Variants in GABRB2 observed in about 807,000 individuals in gnomAD.
GABRB2 encodes gamma-aminobutyric acid receptor subunit beta-2.
Under a neutral mutation model 54.7 loss-of-function variants are expected in GABRB2, and 16 were observed. That is an observed-to-expected ratio of 0.29 (90% CI 0.20 to 0.44). GABRB2 has a LOEUF of 0.44. Among genes scored for constraint, GABRB2 ranks in the 20% least tolerant of loss-of-function variants. GABRB2 has a pLI of 1.00. For synonymous variants in GABRB2, 244 were observed against 233.8 expected (o/e 1.04, Z -0.40); for missense variants, 355 against 644.0 (o/e 0.55, Z 4.86).
intron 3 of GABRB2, among the ~76,000 whole-genome samples, chr5:161,463,804 G>T (rs13168902): frequency 0.022 from 3,362 of 150,568 alleles, 61 homozygotes; most frequent in Non-Finnish European, 0.034. Flanking sequence ...TTCTGACAAA[G>T]GTACAAAGAC....
chr5:161,420,300 G>T (rs1364094095), intron 4 of GABRB2, among the ~76,000 whole-genome samples: 21 of 152,188 alleles, frequency 1.4e-4, no homozygotes, highest in African/African-American at 5.1e-4. Flanking sequence ...GACAGCCTCA[G>T]CTGGGTCTCT....
chr5:161,306,076 G>A (rs1757682373), intron 9 of GABRB2, among the ~76,000 whole-genome samples: 1 of 152,160 alleles, frequency 6.6e-6, no homozygotes, highest in Non-Finnish European at 1.5e-5. Flanking sequence ...AATCTTCCCA[G>A]GTCGTTGGAG....
intron 3 of GABRB2, among the ~76,000 whole-genome samples, chr5:161,492,280 G>A (rs1320555033): frequency 1.3e-5 from 2 of 151,610 alleles, no homozygotes; most frequent in Non-Finnish European, 3.0e-5. Context: ...GGACGTTATC[G>A]TTTGTGCTTC....
At chr5:161,516,869 G>T (rs1222682654) in intron 3 of GABRB2, among the ~76,000 whole-genome samples, 1 of 152,044 alleles carries the variant, frequency 6.6e-6, no homozygotes, top group Non-Finnish European at 1.5e-5. Context: ...TCTGACCCAA[G>T]AACTGAAAAA....
At chr5:161,510,868 T>G (rs1042558964) in intron 3 of GABRB2, among the ~76,000 whole-genome samples, 2 of 151,940 alleles carry the variant, frequency 1.3e-5, no homozygotes, top group Non-Finnish European at 2.9e-5. Context: ...TTTGTATATC[T>G]CCAAGGTTTT....
intron 9 of GABRB2, among the ~76,000 whole-genome samples, chr5:161,308,724 C>A (rs977847470): frequency 4.6e-5 from 7 of 152,180 alleles, no homozygotes; most frequent in African/African-American, 1.7e-4. Context: ...CTACAACTAT[C>A]TGATCTTCTA....
intron 5 of GABRB2, among the ~76,000 whole-genome samples, chr5:161,370,841 T>C (rs760069357): frequency 6.6e-6 from 1 of 152,200 alleles, no homozygotes; most frequent in Non-Finnish European, 1.5e-5. Flanking sequence ...CTCTTAATTA[T>C]AGGTTGGTGG....
chr5:161,544,105 T>A (rs1760897635), intron 3 of GABRB2, among the ~76,000 whole-genome samples: 2 of 152,198 alleles, frequency 1.3e-5, no homozygotes, highest in Non-Finnish European at 2.9e-5. Context: ...ATTCTGGGAA[T>A]ATGGAAATTT....
intron 3 of GABRB2, among the ~76,000 whole-genome samples, chr5:161,531,323 T>C (rs1182520870): frequency 1.3e-5 from 2 of 152,114 alleles, no homozygotes; most frequent in Non-Finnish European, 2.9e-5. Context: ...AAATTCTATA[T>C]CCTCACAGAA....
intron 3 of GABRB2, among the ~76,000 whole-genome samples, chr5:161,505,241 G>A (rs1759570863): frequency 6.6e-6 from 1 of 151,440 alleles, no homozygotes; most frequent in Non-Finnish European, 1.5e-5. Context: ...TGATATTCCT[G>A]CCTCAGCCTC....
At chr5:161,459,514 C>T (rs1426387829) in intron 4 of GABRB2, 110 bp downstream of exon 4, 3 of 925,788 alleles carry the variant, frequency 3.2e-6, no homozygotes, top group Non-Finnish European at 3.4e-6. Flanking sequence ...TTAACTGTTT[C>T]TTAGTAGAAT....
rs57251440 is a variant in GABRB2, at chr5:161,359,440, G to GACACACACACACACACACAC, written c.542-22691_542-22672dup. On this transcript the variant is annotated intron_variant, in intron 5 of 9. Coordinates refer to ENST00000393959, the MANE Select transcript of GABRB2 (RefSeq NM_001371727.1). ...CTTTCAAGAGCACAAAATTGCATCT[G>GACACACACACACACACACAC]ACACACACACACACACACACACACA... 3.0e-3 allele frequency among the ~76,000 whole-genome samples: 441 copies of GACACACACACACACACACAC among 147,790 alleles called. 2 individuals are homozygous for GACACACACACACACACACAC. Among genetic ancestry groups the GACACACACACACACACACAC allele is most frequent in the South Asian group, 0.021 (99 of 4,610 alleles).
intron 3 of GABRB2, among the ~76,000 whole-genome samples, chr5:161,469,547 CA>C (rs1166718308): frequency 6.6e-6 from 1 of 151,602 alleles, no homozygotes; most frequent in East Asian, 1.9e-4. Flanking sequence ...AAGAAAACAA[CA>C]ACAACAAAAA....
chr5:161,413,256 A>G (rs1580964667), intron 4 of GABRB2, among the ~76,000 whole-genome samples: 1 of 152,060 alleles, frequency 6.6e-6, no homozygotes, highest in East Asian at 1.9e-4. Context: ...AGATTATTTT[A>G]TTACATTATT....
chr5:161,306,922 T>C (rs1160867658), intron 9 of GABRB2, among the ~76,000 whole-genome samples: 1 of 152,092 alleles, frequency 6.6e-6, no homozygotes, highest in Non-Finnish European at 1.5e-5. Context: ...AAATACCTAA[T>C]GCTAAGGGGA....
chr5:161,313,193 G>C (rs1757926931), intron 9 of GABRB2, among the ~76,000 whole-genome samples: 7 of 152,118 alleles, frequency 4.6e-5, no homozygotes, highest in Admixed American at 4.6e-4. Context: ...ATAGAGTCTC[G>C]TGTTTGTTAT....
intron 3 of GABRB2, among the ~76,000 whole-genome samples, chr5:161,467,827 A>G (rs1758322926): frequency 6.6e-6 from 1 of 152,096 alleles, no homozygotes; most frequent in Admixed American, 6.6e-5. Flanking sequence ...GAGAGTAAAG[A>G]TTCCATCTTA....
At chr5:161,541,086 T>G (rs117503230) in intron 3 of GABRB2, among the ~76,000 whole-genome samples, 3,952 of 152,230 alleles carry the variant, frequency 0.026, 80 homozygotes, top group East Asian at 0.11. Context: ...GCTCAAGGTA[T>G]TTGCCGGCCT....
At position 161,435,516 on chromosome 5, in the gene GABRB2, CA is replaced by C. The variant is rs1376030750; in HGVS notation, c.458+24107del. ...ATAATTATAGGATATTTTTTTCTAA[CA>C]GTTAACATTTTAAAATTATTTACAT... is the stretch of plus-strand genomic sequence containing the variant. On this transcript the variant is annotated intron_variant, in intron 4 of 9. Transcript: ENST00000393959. 7.2e-5 allele frequency among the ~76,000 whole-genome samples: 11 copies of C among 152,054 alleles called. No individual in the cohort carries two copies. In the East Asian group the frequency reaches 2.1e-3, roughly 29 times the overall value.
Sources: gnomAD v4.1 joint callset for allele counts (sites outside exome capture counted in the v4.1 genomes callset) on GRCh38, gnomAD v4.1.1 for gene constraint, MANE v1.5 for transcripts, NCBI Gene and HGNC (gene_info 2026-07-23, HGNC 2026-07-21) for gene names.